SEPTIN7: variants seen among roughly 807,000 people sequenced by gnomAD.
The protein encoded by SEPTIN7 is septin-7.
A neutral mutation model predicts 63.3 loss-of-function variants in SEPTIN7; 10 were observed. The ratio of observed to expected loss-of-function variants is 0.16; its 90% CI spans 0.10 to 0.27. SEPTIN7 has a LOEUF of 0.27. Among genes scored for constraint, SEPTIN7 ranks in the 10% least tolerant of loss-of-function variants. The pLI, the probability that SEPTIN7 is intolerant of heterozygous loss-of-function variation, is 1.00. For missense variants in SEPTIN7, 310 were observed against 521.0 expected (o/e 0.59, Z 3.94); for synonymous variants, 131 against 165.3 (o/e 0.79, Z 1.59).
chr7:35,915,173 A>G, the SEPTIN7 span, among the ~76,000 whole-genome samples: 1 of 152,072 alleles, frequency 6.6e-6, no homozygotes, highest in East Asian at 1.9e-4. Context: ...ATATATACAC[A>G]CATATACATA....
intron 3 of SEPTIN7, among the ~76,000 whole-genome samples, chr7:35,837,156 A>G: frequency 6.6e-6 from 1 of 152,220 alleles, no homozygotes; most frequent in East Asian, 1.9e-4. Flanking sequence ...AAGTTAATAT[A>G]TTTCATTGCA....
At chr7:35,838,899 C>G (rs569668882) in intron 3 of SEPTIN7, among the ~76,000 whole-genome samples, 1 of 152,128 alleles carries the variant, frequency 6.6e-6, no homozygotes, top group African/African-American at 2.4e-5. Flanking sequence ...CCGTTTGTTA[C>G]AAGCTTAATT....
chr7:35,826,974 A>G (rs567519636), intron 1 of SEPTIN7, among the ~76,000 whole-genome samples: 5 of 152,268 alleles, frequency 3.3e-5, no homozygotes, highest in Non-Finnish European at 7.4e-5. Context: ...ACTTGAATAT[A>G]TTTGTGCTGA....
At chr7:35,908,963 A>G (rs938450555), downstream of SEPTIN7, among the ~76,000 whole-genome samples, 7 of 152,236 alleles carry the variant, frequency 4.6e-5, no homozygotes, top group East Asian at 1.9e-4. Flanking sequence ...GTAGCACAGA[A>G]AAGTTCCCTG....
At chr7:35,811,575 G>A (rs991826250) in intron 1 of SEPTIN7, among the ~76,000 whole-genome samples, 2 of 152,056 alleles carry the variant, frequency 1.3e-5, no homozygotes, top group African/African-American at 4.8e-5. Flanking sequence ...GTGGGAAGTG[G>A]GGCTTAGAAG....
At chr7:35,863,473 T>G (rs1357906956) in intron 3 of SEPTIN7, 79 bp from the exon 4 acceptor site, 1 of 792,716 alleles carries the variant, frequency 1.3e-6, no homozygotes, top group African/African-American at 1.7e-5. Context: ...TAAGGCAAGT[T>G]TGATTATAGC....
At chr7:35,871,604 A>C (rs1786154569) in intron 4 of SEPTIN7, among the ~76,000 whole-genome samples, 1 of 152,194 alleles carries the variant, frequency 6.6e-6, no homozygotes, top group East Asian at 1.9e-4. Flanking sequence ...CTTGCTCAGC[A>C]ATCTTAGTCT....
intron 6 of SEPTIN7, chr7:35,879,535 A>T (rs1786703099): frequency 4.7e-6 from 1 of 213,066 alleles, no homozygotes; most frequent in African/African-American, 2.3e-5. Flanking sequence ...AGTAATAAAT[A>T]TAGAGATAAT....
intron 3 of SEPTIN7, among the ~76,000 whole-genome samples, chr7:35,857,834 T>G (rs1212465719): frequency 6.6e-6 from 1 of 151,924 alleles, no homozygotes; most frequent in African/African-American, 2.4e-5. Context: ...CTGTTTAGAA[T>G]AAAGGGAGAA....
chr7:35,850,292 G>A (rs936919676), intron 3 of SEPTIN7, among the ~76,000 whole-genome samples: 5 of 152,222 alleles, frequency 3.3e-5, no homozygotes, highest in East Asian at 1.9e-4. Flanking sequence ...AATAAAGTAG[G>A]TATCTTGATC....
At chr7:35,805,070 C>T (rs138187080) in intron 1 of SEPTIN7, among the ~76,000 whole-genome samples, 127 of 152,046 alleles carry the variant, frequency 8.4e-4, no homozygotes, top group African/African-American at 2.7e-3. Context: ...TTAGTAGAGA[C>T]GGGGTTTCAC....
intron 1 of SEPTIN7, among the ~76,000 whole-genome samples, chr7:35,816,580 T>C (rs879421156): frequency 6.6e-6 from 1 of 152,204 alleles, no homozygotes; most frequent in African/African-American, 2.4e-5. Context: ...TCAATTCCCT[T>C]GGATATATAC....
intron 1 of SEPTIN7, among the ~76,000 whole-genome samples, chr7:35,808,737 A>G (rs1049263525): frequency 7.9e-5 from 12 of 152,340 alleles, no homozygotes. Context: ...TACCATTACT[A>G]GTGATTAAGT....
chr7:35,814,667 G>A (rs748875463), intron 1 of SEPTIN7, among the ~76,000 whole-genome samples: 6 of 151,962 alleles, frequency 3.9e-5, no homozygotes, highest in Non-Finnish European at 7.4e-5. Flanking sequence ...ACATGTACAT[G>A]ATGCTACATT....
Position 35,898,504 on chromosome 7 carries a change from G to C in SEPTIN7, c.1134+121G>C, listed in dbSNP as rs557585343. On this transcript the variant is annotated intron_variant, in intron 12 of 13. Coordinates refer to ENST00000350320, the MANE Select transcript of SEPTIN7 (RefSeq NM_001788.6). Reference sequence around the variant, plus strand: ...ATATTTTTTCAAAATTAATACCCTAGTGTAACAAAACGGATAAATTTCTAG... The same window carrying C: ...ATATTTTTTCAAAATTAATACCCTACTGTAACAAAACGGATAAATTTCTAG... The C allele has an allele frequency of 3.7e-5, 22 of 601,366 alleles. No homozygotes were observed. In the South Asian group the frequency reaches 6.7e-4, roughly 18 times the overall value. 37.3% of individuals were successfully genotyped at this position (601,366 alleles called of 1,614,324 possible).
intron 4 of SEPTIN7, among the ~76,000 whole-genome samples, chr7:35,869,957 G>A (rs916080190): frequency 1.3e-5 from 2 of 152,192 alleles, no homozygotes; most frequent in Non-Finnish European, 2.9e-5. Flanking sequence ...TAAGGAAAGT[G>A]CGTGGGAAAG....
chr7:35,805,950 G>A (rs2115650421), intron 1 of SEPTIN7, among the ~76,000 whole-genome samples: 1 of 152,274 alleles, frequency 6.6e-6, no homozygotes, highest in South Asian at 2.1e-4. Flanking sequence ...TCTCATTTGA[G>A]GTTTTGTAAT....
the SEPTIN7 span, among the ~76,000 whole-genome samples, chr7:35,914,836 G>C: frequency 6.6e-6 from 1 of 151,622 alleles, no homozygotes; most frequent in Admixed American, 6.6e-5. Context: ...ATGTACGTGT[G>C]TGTATATATA....
At chr7:35,852,444 G>A (rs1785008172) in intron 3 of SEPTIN7, among the ~76,000 whole-genome samples, 1 of 152,086 alleles carries the variant, frequency 6.6e-6, no homozygotes. Flanking sequence ...TTAAGGGTAT[G>A]TGATACTTAA....
Sources: allele counts gnomAD v4.1 joint callset (sites outside exome capture counted in the v4.1 genomes callset), GRCh38; gene constraint gnomAD v4.1.1; transcripts MANE v1.5; gene names NCBI Gene and HGNC (gene_info 2026-07-23, HGNC 2026-07-21).